ITPR2: variants seen among roughly 807,000 people sequenced by gnomAD.
ITPR2 encodes the protein inositol 1,4,5-trisphosphate-gated calcium channel ITPR2.
A neutral mutation model predicts 317.1 loss-of-function variants in ITPR2; 207 were observed. The observed-to-expected ratio is 0.65, with a 90% CI of 0.58 to 0.73. The LOEUF is 0.73. Among genes scored for constraint, ITPR2 ranks in the 30% least tolerant of loss-of-function variants. The pLI is 0.00. For synonymous variants in ITPR2, 1,156 were observed against 1,149.1 expected (o/e 1.01, Z -0.12); for missense variants, 2,613 against 3,284.0 (o/e 0.80, Z 4.99).
In ITPR2 at chr12:26,415,287, G is replaced by C. The variant is rs780171072; in HGVS notation, c.7306+16C>G. ...TCTGCCATCAGAGAAACCTCATTTAGTGGTAATAGCAATACCTGTAACAGG... is the reference window on the plus strand; with the variant it reads ...TCTGCCATCAGAGAAACCTCATTTACTGGTAATAGCAATACCTGTAACAGG... On this transcript the variant is annotated intron_variant, in intron 51 of 56. Coordinates refer to ENST00000381340, the MANE Select transcript of ITPR2 (RefSeq NM_002223.4). The C allele has an allele frequency of 1.3e-6, 2 of 1,550,986 alleles. No individual in the cohort carries two copies. Among genetic ancestry groups the C allele is most frequent in the Non-Finnish European group, 1.7e-6 (2 of 1,143,802 alleles).
intron 41 of ITPR2, among the ~76,000 whole-genome samples, chr12:26,485,672 A>G (rs533522408): frequency 1.3e-5 from 2 of 152,372 alleles, no homozygotes; most frequent in East Asian, 1.9e-4. Flanking sequence ...TTCTGTTTCA[A>G]ATGAAGACAT....
At chr12:26,450,642 A>G (rs1214560178) in intron 45 of ITPR2, among the ~76,000 whole-genome samples, 1 of 152,200 alleles carries the variant, frequency 6.6e-6, no homozygotes, top group Non-Finnish European at 1.5e-5. Context: ...CTTTAGAAGA[A>G]GATCAGCTTC....
intron 26 of ITPR2, among the ~76,000 whole-genome samples, chr12:26,606,718 G>A (rs1374200153): frequency 6.6e-6 from 1 of 152,094 alleles, no homozygotes; most frequent in Non-Finnish European, 1.5e-5. Flanking sequence ...GACTGCTTGA[G>A]GCCAAGAGTT....
chr12:26,488,649 T>A (rs1942728208), intron 39 of ITPR2, among the ~76,000 whole-genome samples: 1 of 152,172 alleles, frequency 6.6e-6, no homozygotes, highest in South Asian at 2.1e-4. Flanking sequence ...GCTGGTTTTG[T>A]TAATTCAAAC....
At chr12:26,726,423 T>C (rs958830194) in intron 2 of ITPR2, among the ~76,000 whole-genome samples, 1 of 152,206 alleles carries the variant, frequency 6.6e-6, no homozygotes, top group Non-Finnish European at 1.5e-5. Context: ...CGTTTTATTT[T>C]CAATGAGGAG....
chr12:26,603,390 G>A (rs1463460930), intron 26 of ITPR2, among the ~76,000 whole-genome samples: 1 of 152,104 alleles, frequency 6.6e-6, no homozygotes, highest in African/African-American at 2.4e-5. Context: ...TATGGGGAGT[G>A]GACATATTTG....
chr12:26,452,953 T>G (rs1941775532), intron 45 of ITPR2, among the ~76,000 whole-genome samples: 1 of 151,896 alleles, frequency 6.6e-6, no homozygotes, highest in South Asian at 2.1e-4. Context: ...TCCCAGGAGG[T>G]TTGTATAATT....
intron 53 of ITPR2, among the ~76,000 whole-genome samples, 174 bp downstream of exon 53, chr12:26,399,954 C>T (rs1031091014): frequency 1.1e-4 from 17 of 152,178 alleles, no homozygotes; most frequent in Admixed American, 7.9e-4. Flanking sequence ...AGTTGTAGTA[C>T]ATTAGCTATG....
intron 34 of ITPR2, among the ~76,000 whole-genome samples, chr12:26,569,554 CAA>C (rs34705409): frequency 7.4e-6 from 1 of 134,382 alleles, no homozygotes. Context: ...GACTCTGTCT[CAA>C]AAAAAAAAAA....
rs1417757112 is a variant in ITPR2, at chr12:26,436,334, A to G, written c.6656T>C (p.Leu2219Pro). 1 of 1,606,926 alleles carries G rather than the reference A, an allele frequency of 6.2e-7. No homozygotes were observed. The highest frequency in any genetic ancestry group is 8.5e-7 in the Non-Finnish European group (1 of 1,178,054). ...WQKKIRNNPA[L>P]FWFSRHISLW... Reference sequence around the variant, plus strand: ...AGAGATGTGCCTCGAGAACCAGAACAGTGCAGGGTTATCTAGGAAGTGAGA... The same window carrying G: ...AGAGATGTGCCTCGAGAACCAGAACGGTGCAGGGTTATCTAGGAAGTGAGA... The change falls in exon 48 of 57, where the codon CTG becomes CCG. Residue 2219 changes from leucine to proline, a missense_variant. Around this residue, in one of 9 missense-constraint regions of ITPR2, gnomAD observed 926 missense variants for 1,072.8 expected, o/e 0.86. Transcript: ENST00000381340.
At chr12:26,671,531 A>C (rs1270178801) in intron 13 of ITPR2, among the ~76,000 whole-genome samples, 1 of 152,310 alleles carries the variant, frequency 6.6e-6, no homozygotes. Flanking sequence ...GCCTGCCCTA[A>C]AAGAGGTCCT....
intron 9 of ITPR2, among the ~76,000 whole-genome samples, chr12:26,710,901 C>A (rs1404698179): frequency 1.3e-5 from 2 of 152,202 alleles, no homozygotes; most frequent in African/African-American, 4.8e-5. Flanking sequence ...ACATCACATA[C>A]ATATGCAAAT....
intron 55 of ITPR2, among the ~76,000 whole-genome samples, chr12:26,372,299 T>G (rs1477116786): frequency 6.6e-6 from 1 of 152,230 alleles, no homozygotes; most frequent in Non-Finnish European, 1.5e-5. Flanking sequence ...TGGTAGGCAC[T>G]AAGCAAAAGT....
intron 21 of ITPR2, among the ~76,000 whole-genome samples, chr12:26,647,632 T>A (rs569965509): frequency 6.6e-6 from 1 of 152,344 alleles, no homozygotes; most frequent in African/African-American, 2.4e-5. Flanking sequence ...ACTCAAAAGA[T>A]CAATTACACT....
rs185473951 is a variant in ITPR2 at position 26,480,191 on chromosome 12, T to C, written c.6123+940A>G. Among the ~76,000 whole-genome samples, 230 of 152,386 alleles carry C rather than the reference T, an allele frequency of 1.5e-3. 1 individual carries two copies. Among genetic ancestry groups the C allele is most frequent in the Non-Finnish European group, 1.1e-3 (76 of 68,046 alleles). On this transcript the variant is annotated intron_variant, in intron 43 of 56. Coordinates refer to ENST00000381340, the MANE Select transcript of ITPR2 (RefSeq NM_002223.4). ...ACCCTAAACACAATAATGTGGTCTT[T>C]ACTAGCTCATCTCAATTGAATATCA...
rs759467570 is a variant in ITPR2, at chr12:26,784,356, C to A, written c.163+5801G>T. On this transcript the variant is annotated intron_variant, in intron 2 of 56. Coordinates refer to ENST00000381340, the MANE Select transcript of ITPR2 (RefSeq NM_002223.4). ...CCCTCTCCCTCTCCCTCTCCCTCTC[C>A]CTCTCCCTCCACGGTCTCCTTCCAC... Among the ~76,000 whole-genome samples, 128 of 45,818 alleles carry A rather than the reference C, an allele frequency of 2.8e-3. 17 individuals are homozygous for A. The highest frequency in any genetic ancestry group is 0.015 in the East Asian group (16 of 1,042). 30.1% of individuals were successfully genotyped at this position (45,818 alleles called of 152,430 possible). A position where few individuals can be genotyped will look rare whatever the true frequency, so the allele number is the denominator to read the frequency against.
intron 10 of ITPR2, among the ~76,000 whole-genome samples, chr12:26,686,838 C>T (rs772377936): frequency 3.9e-4 from 60 of 152,270 alleles, no homozygotes; most frequent in African/African-American, 1.3e-3. Context: ...ACTCCTAGGG[C>T]GGGGTGGCTT....
At chr12:26,363,531 C>T (rs532138753) in intron 55 of ITPR2, among the ~76,000 whole-genome samples, 1 of 152,204 alleles carries the variant, frequency 6.6e-6, no homozygotes, top group East Asian at 1.9e-4. Flanking sequence ...AGGTTGGGGA[C>T]TGCTGATCTA....
chr12:26,662,890 A>G (rs1947534486), intron 15 of ITPR2, among the ~76,000 whole-genome samples: 1 of 152,232 alleles, frequency 6.6e-6, no homozygotes, highest in African/African-American at 2.4e-5. Context: ...AGGCTGGTCT[A>G]GAACTCCTGG....
Sources: allele counts gnomAD v4.1 joint callset (sites outside exome capture counted in the v4.1 genomes callset), GRCh38; gene constraint gnomAD v4.1.1; regional missense constraint gnomAD v4.1.1; transcripts MANE v1.5; gene names NCBI Gene and HGNC (gene_info 2026-07-23, HGNC 2026-07-21).